Variants in GRIA3 observed in about 807,000 individuals in gnomAD.
GRIA3 encodes glutamate ionotropic receptor AMPA type subunit 3.
GRIA3 carries 3 observed loss-of-function variants against 63.0 expected under a neutral mutation model. The ratio of observed to expected loss-of-function variants is 0.05; its 90% CI spans 0.02 to 0.12. GRIA3 has a LOEUF of 0.12. Ranked by LOEUF, GRIA3 falls within the 10% of genes least tolerant of loss-of-function variation. The pLI, the probability that GRIA3 is intolerant of heterozygous loss-of-function variation, is 1.00. For synonymous variants in GRIA3, 274 were observed against 257.9 expected, an observed-to-expected ratio of 1.06 and a Z score of -0.60; for missense variants, 347 against 700.9, an observed-to-expected ratio of 0.50 and a Z score of 5.70.
chrX:123,470,101 T>C (rs1026125393), intron 13 of GRIA3, among the ~76,000 whole-genome samples: 2 of 111,661 alleles, frequency 1.8e-5, no homozygotes, highest in African/African-American at 6.5e-5. Context: ...TCAGCACATG[T>C]GTGCTCTTGG....
chrX:123,242,883 T>C (rs1055199264), intron 2 of GRIA3, among the ~76,000 whole-genome samples: 1 of 112,436 alleles, frequency 8.9e-6, no homozygotes, highest in African/African-American at 3.2e-5. Context: ...CACTGAGAAA[T>C]AATTTTTAAA....
At chrX:123,314,864 T>G (rs16997308) in intron 3 of GRIA3, among the ~76,000 whole-genome samples, 4,725 of 112,010 alleles carry the variant, frequency 0.042, 233 homozygotes, top group African/African-American at 0.15. Context: ...GGGGTACCTG[T>G]TAGCTCAAGT....
At chrX:123,380,627 T>G (rs1301672204) in intron 5 of GRIA3, among the ~76,000 whole-genome samples, 1 of 112,157 alleles carries the variant, frequency 8.9e-6, no homozygotes, top group Non-Finnish European at 1.9e-5. Flanking sequence ...TTTCTTTTGC[T>G]GTGCAGAAGC....
At position 123,463,682 on chromosome X, in the gene GRIA3, AAGAG is replaced by A. The variant is rs1406949025; in HGVS notation, c.2077-1177_2077-1174del. Among the ~76,000 whole-genome samples, 22 of 40,703 alleles carry A rather than the reference AAGAG, an allele frequency of 5.4e-4. 1 individual carries two copies. The highest frequency in any genetic ancestry group is 2.3e-3 in the African/African-American group (15 of 6,427). The allele number at this position is 40,703 out of a possible 115,157, so 35.3% of individuals were successfully genotyped here. A position where few individuals can be genotyped will look rare whatever the true frequency, so the allele number is the denominator to read the frequency against. On this transcript the variant is annotated intron_variant, in intron 12 of 15. Transcript: ENST00000620443. ...AAAGAAAGAAAGAAAGAAAGAAAGA[AAGAG>A]AGAGAAAGAAAGAAAAAGAAAGAAA...
At chrX:123,221,456 G>A (rs991660783) in intron 2 of GRIA3, among the ~76,000 whole-genome samples, 2 of 112,340 alleles carry the variant, frequency 1.8e-5, no homozygotes, top group Admixed American at 1.9e-4. Flanking sequence ...AAGGTACTGG[G>A]TGGAAACCCA....
chrX:123,430,231 T>C (rs1229478444), intron 12 of GRIA3, among the ~76,000 whole-genome samples: 2 of 112,115 alleles, frequency 1.8e-5, no homozygotes, highest in Admixed American at 9.5e-5. Flanking sequence ...GTAATTCATA[T>C]GGAAATTGAG....
At chrX:123,445,974 G>A (rs1289539077) in intron 12 of GRIA3, among the ~76,000 whole-genome samples, 1 of 112,216 alleles carries the variant, frequency 8.9e-6, no homozygotes, top group Non-Finnish European at 1.9e-5. Flanking sequence ...AGGCAAAGCA[G>A]CACAAATCAG....
rs1481061194 is a variant in GRIA3, at chrX:123,326,171, G to A, written c.654G>A (p.Leu218=). The A allele has an allele frequency of 8.3e-7, 1 of 1,210,204 alleles. No homozygotes were observed. The highest frequency in any genetic ancestry group is 1.1e-6 in the Non-Finnish European group (1 of 894,308). Residue 218 remains leucine, a synonymous_variant, in exon 4 of 16, where the codon TTG becomes TTA. Transcript: ENST00000620443. ...ACAGGAGGCAGGAAAAGCGATACTT[G>A]ATTGACTGCGAAGTCGAAAGGATTA... ...EMDRRQEKRY[L]IDCEVERINT... is the part of the protein sequence containing the mutation.
chrX:123,303,593 C>T (rs1043798078), intron 3 of GRIA3, among the ~76,000 whole-genome samples: 4 of 110,146 alleles, frequency 3.6e-5, no homozygotes, highest in Non-Finnish European at 7.6e-5. Flanking sequence ...TTATTTCAGG[C>T]GGGGTCAGTA....
intron 12 of GRIA3, among the ~76,000 whole-genome samples, chrX:123,449,223 T>G (rs1440075271): frequency 8.9e-6 from 1 of 112,169 alleles, no homozygotes; most frequent in Non-Finnish European, 1.9e-5. Flanking sequence ...AAAGACAATT[T>G]GAGATCAGGG....
intron 12 of GRIA3, among the ~76,000 whole-genome samples, chrX:123,453,054 G>A (rs2045741870): frequency 8.9e-6 from 1 of 112,003 alleles, no homozygotes; most frequent in African/African-American, 3.2e-5. Context: ...TATACCCAAA[G>A]GATTATAAAT....
At chrX:123,245,299 G>A (rs1264876637) in intron 2 of GRIA3, among the ~76,000 whole-genome samples, 5 of 111,486 alleles carry the variant, frequency 4.5e-5, no homozygotes, top group Admixed American at 9.5e-5. Flanking sequence ...ATGCCTTGAG[G>A]GCCTCTGGGT....
chrX:123,263,551 G>T (rs2044471868), intron 3 of GRIA3, among the ~76,000 whole-genome samples: 1 of 111,840 alleles, frequency 8.9e-6, no homozygotes, highest in Non-Finnish European at 1.9e-5. Context: ...ACTTTTAGAG[G>T]GTGCTTCAAC....
intron 12 of GRIA3, among the ~76,000 whole-genome samples, chrX:123,451,505 T>TAAAAAAAAAAAAA (rs56991039): frequency 4.9e-4 from 8 of 16,191 alleles, no homozygotes; most frequent in Admixed American, 1.6e-3. Flanking sequence ...ACTCTGTCTC[T>TAAAAAAAAAAAAA]AAAAAAAAAA....
chrX:123,200,600 C>CAT (rs1447078371), intron 2 of GRIA3, among the ~76,000 whole-genome samples: 4 of 80,120 alleles, frequency 5.0e-5, no homozygotes, highest in African/African-American at 1.9e-4. Flanking sequence ...TACACACACA[C>CAT]ACATACATAC....
chrX:123,482,926 G>A lies in GRIA3; in HGVS notation c.2567G>A (p.Arg856His), dbSNP rs2045919059. 3 of 1,210,296 alleles carry A rather than the reference G, an allele frequency of 2.5e-6. No individual in the cohort carries two copies. The East Asian group carries it at 8.9e-5, about 36-fold the overall frequency. Residue 856 changes from arginine to histidine, a missense_variant, in exon 15 of 16, where the codon CGC (arginine) becomes CAC (histidine). By Grantham distance (29) the Arg-to-His change is conservative. Coordinates refer to ENST00000620443, the MANE Select transcript of GRIA3 (RefSeq NM_007325.5). ...FCYKSRAESK[R>H]MKLTKNTQNF... ...TACAAATCACGGGCAGAGTCCAAACGCATGAAACTCACAAAGAACACCCAA... is the reference window on the plus strand; with the variant it reads ...TACAAATCACGGGCAGAGTCCAAACACATGAAACTCACAAAGAACACCCAA...
At chrX:123,228,231 G>C (rs1163460756) in intron 2 of GRIA3, among the ~76,000 whole-genome samples, 1 of 112,002 alleles carries the variant, frequency 8.9e-6, no homozygotes, top group Non-Finnish European at 1.9e-5. Context: ...GGCCATTTCA[G>C]CTGTTCACTG....
intron 2 of GRIA3, among the ~76,000 whole-genome samples, chrX:123,210,521 A>G (rs1928015720): frequency 9.0e-6 from 1 of 111,501 alleles, no homozygotes. Context: ...CATTAGGCAA[A>G]AATGTTCTCC....
chrX:123,399,664 T>C (rs1346958877), intron 7 of GRIA3, among the ~76,000 whole-genome samples: 1 of 112,173 alleles, frequency 8.9e-6, no homozygotes, highest in Non-Finnish European at 1.9e-5. Flanking sequence ...CTTATTTAGT[T>C]ATCCTGATGT....
Sources: gnomAD v4.1 joint callset for allele counts (sites outside exome capture counted in the v4.1 genomes callset) on GRCh38, gnomAD v4.1.1 for gene constraint, MANE v1.5 for transcripts, NCBI Gene and HGNC (gene_info 2026-07-23, HGNC 2026-07-21) for gene names.